DSC3: variants seen among roughly 807,000 people sequenced by gnomAD.
DSC3 encodes the protein desmocollin 3.
In DSC3, 97 loss-of-function variants were observed where a neutral mutation model predicts 89.5. The observed-to-expected ratio is 1.08, with a 90% CI of 0.92 to 1.28. DSC3 has a LOEUF of 1.28. Among genes scored for constraint, DSC3 ranks in the 50% most tolerant of loss-of-function variants. DSC3 has a pLI of 0.00. For missense variants in DSC3, 1,199 were observed against 1,085.3 expected (o/e 1.10, Z -1.47); for synonymous variants, 436 against 384.1 (o/e 1.14, Z -1.58).
rs1985762955 is a variant in DSC3, at chr18:31,030,905, C to G, written c.354+68G>C. The G allele has an allele frequency of 1.8e-5, 26 of 1,420,426 alleles. 1 individual carries two copies. The South Asian group carries it at 2.7e-4, about 15-fold the overall frequency. The allele number at this position is 1,420,426 out of a possible 1,614,324, so 88.0% of individuals were successfully genotyped here. ...AAATACCCTATTTATCCTTGTTTCT[C>G]TTTGCAATTTTTAATAAGAGTATTT... is the stretch of plus-strand genomic sequence containing the variant. On this transcript the variant is annotated intron_variant, in intron 3 of 15. Transcript: ENST00000360428.
At chr18:30,994,618 A>C in intron 15 of DSC3, 1 of 714,656 alleles carries the variant, frequency 1.4e-6, no homozygotes, top group Non-Finnish European at 2.2e-6. Flanking sequence ...ATATTTAAGT[A>C]CATTCAAGTT....
intron 14 of DSC3, among the ~76,000 whole-genome samples, chr18:31,001,089 G>GTGTGTATATATATA (rs141615987): frequency 2.4e-5 from 3 of 126,030 alleles, no homozygotes; most frequent in East Asian, 6.0e-4. Context: ...TTGTGTGTGT[G>GTGTGTATATATATA]TATATATATA....
intron 1 of DSC3, among the ~76,000 whole-genome samples, chr18:31,039,952 TA>T (rs1351826487): frequency 6.6e-6 from 1 of 152,222 alleles, no homozygotes; most frequent in Non-Finnish European, 1.5e-5. Context: ...GTCACAAATG[TA>T]AAAGCCTTTA....
intron 1 of DSC3, among the ~76,000 whole-genome samples, chr18:31,039,865 C>T (rs1387818801): frequency 6.6e-6 from 1 of 152,144 alleles, no homozygotes; most frequent in African/African-American, 2.4e-5. Flanking sequence ...TATACGTATA[C>T]TATAATTTTG....
intron 1 of DSC3, 67 bp from the exon 2 acceptor site, chr18:31,032,343 T>C (rs1985820297): frequency 2.4e-6 from 3 of 1,262,974 alleles, no homozygotes; most frequent in Non-Finnish European, 2.3e-6. Context: ...ATCATATCAA[T>C]AGATGTAAAA....
chr18:31,035,379 C>A (rs1985937345), intron 1 of DSC3, among the ~76,000 whole-genome samples: 1 of 151,758 alleles, frequency 6.6e-6, no homozygotes, highest in South Asian at 2.1e-4. Context: ...ATATAATAAG[C>A]CAAGAAATCA....
rs1454801829 is a variant in DSC3, at chr18:30,990,801, C to T, written c.*3374G>A. 6.6e-6 allele frequency: 1 copy of T among 152,150 alleles called. No individual in the cohort carries two copies. Among genetic ancestry groups the T allele is most frequent in the Admixed American group, 6.6e-5 (1 of 15,266 alleles). The allele number at this position is 152,150 out of a possible 1,614,324, so 9.4% of individuals were successfully genotyped here. A position where few individuals can be genotyped will look rare whatever the true frequency, so the allele number is the denominator to read the frequency against. ...CTGCAATTATAACCACCTTCTAATA[C>T]TTTTAATACCCAATCAAAATTTATT... On this transcript the variant is annotated 3_prime_UTR_variant, in exon 16 of 16. Transcript: ENST00000360428.
intron 1 of DSC3, among the ~76,000 whole-genome samples, chr18:31,037,656 C>T (rs1018936477): frequency 6.6e-6 from 1 of 152,108 alleles, no homozygotes; most frequent in Non-Finnish European, 1.5e-5. Context: ...AATCCCAGCA[C>T]TCTGGGAGGC....
rs1283531979 is a variant in DSC3 at position 30,990,770 on chromosome 18, A to G, written c.*3405T>C. 1 of 152,202 alleles carries G rather than the reference A, an allele frequency of 6.6e-6. No individual in the cohort carries two copies. The highest frequency in any genetic ancestry group is 2.4e-5 in the African/African-American group (1 of 41,452). 9.4% of individuals were successfully genotyped at this position (152,202 alleles called of 1,614,324 possible). ...CCCTGTGTCAGTGTACTATTCATGG[A>G]ATACTCTGCAATTATAACCACCTTC... On this transcript the variant is annotated 3_prime_UTR_variant, in exon 16 of 16. Coordinates refer to ENST00000360428, the MANE Select transcript of DSC3 (RefSeq NM_001941.5).
rs200782759 is a variant in DSC3, at chr18:30,994,299, C to G, written c.2567G>C (p.Gly856Ala). 3.7e-6 allele frequency: 6 copies of G among 1,614,076 alleles called. No homozygotes were observed. Among genetic ancestry groups the G allele is most frequent in the Non-Finnish European group, 5.1e-6 (6 of 1,180,000 alleles). ...CACAGAACCAGCTGGAGATCCTCTT[C>G]CCTCATAGTTATAAGTGAGGACATA... ...QDYVLTYNYE[G>A]RGSPAGSVGC... The change falls in exon 16 of 16, where the codon GGA becomes GCA. Residue 856 changes from glycine to alanine, a missense_variant. Gly to Ala is a moderately conservative substitution (Grantham distance 60). Coordinates refer to ENST00000360428, the MANE Select transcript of DSC3 (RefSeq NM_001941.5).
intron 1 of DSC3, among the ~76,000 whole-genome samples, chr18:31,036,355 T>G (rs1985968296): frequency 6.6e-6 from 1 of 152,210 alleles, no homozygotes; most frequent in African/African-American, 2.4e-5. Flanking sequence ...CTGTAAATCA[T>G]CTATTCTTCC....
intron 5 of DSC3, 77 bp from the exon 6 acceptor site, chr18:31,024,570 G>A: frequency 6.7e-7 from 1 of 1,482,730 alleles, no homozygotes; most frequent in Non-Finnish European, 9.1e-7. Flanking sequence ...TCTACTACCT[G>A]CCTTGCAAAT....
intron 14 of DSC3, among the ~76,000 whole-genome samples, chr18:31,001,161 A>G (rs1314355000): frequency 2.7e-5 from 4 of 149,706 alleles, no homozygotes; most frequent in Admixed American, 2.0e-4. Flanking sequence ...GTCCTAAGAA[A>G]TATATAAGGA....
At chr18:30,997,183 GT>G in intron 14 of DSC3, 135 bp from the exon 15 acceptor site, 1 of 1,152,020 alleles carries the variant, frequency 8.7e-7, no homozygotes, top group Non-Finnish European at 1.3e-6. Flanking sequence ...ACATTTATCA[GT>G]TTCTAATTAT....
In DSC3 at chr18:31,032,268, A is replaced by C. The variant is rs754370201; in HGVS notation, c.78T>G (p.Ser26Arg). 1 of 1,611,372 alleles carries C rather than the reference A, an allele frequency of 6.2e-7. No individual in the cohort carries two copies. Among genetic ancestry groups the C allele is most frequent in the Non-Finnish European group, 8.5e-7 (1 of 1,177,614 alleles). ...CCTTTTTGCAGGCTTCACCAGCACG[A>C]CTGAAGATCTAGAATTTAAAAGGTC... ...LHLLLTLVIF[S>R]RAGEACKKVI... Residue 26 changes from serine (S) to arginine (R), a missense_variant, in exon 2 of 16, where the codon AGT (serine) becomes AGG (arginine). Transcript: ENST00000360428.
intron 7 of DSC3, among the ~76,000 whole-genome samples, chr18:31,021,664 G>A (rs141660302): frequency 6.6e-6 from 1 of 152,116 alleles, no homozygotes; most frequent in Non-Finnish European, 1.5e-5. Flanking sequence ...AATAATGCAT[G>A]ATTGCTGACA....
Position 31,009,754 on chromosome 18 carries a change from G to A in DSC3, c.1264-1229C>T, listed in dbSNP as rs532370097. Among the ~76,000 whole-genome samples the A allele has an allele frequency of 3.9e-5, 6 of 152,274 alleles. 1 individual carries two copies. The highest frequency in any genetic ancestry group is 1.9e-4 in the East Asian group (1 of 5,172). ...ATTGACCTCATCCTCATTTTACAGA[G>A]CAGAAAACGGGAAAAGGAGATAAAC... On this transcript the variant is annotated intron_variant, in intron 9 of 15. Transcript: ENST00000360428.
At chr18:31,021,742 T>C (rs1266480773) in intron 7 of DSC3, among the ~76,000 whole-genome samples, 1 of 152,192 alleles carries the variant, frequency 6.6e-6, no homozygotes, top group Non-Finnish European at 1.5e-5. Context: ...TCAATCAATG[T>C]TTCTGTCACA....
Position 30,994,272 on chromosome 18 carries a change from C to A in DSC3, c.2594G>T (p.Gly865Val), listed in dbSNP as rs142097003. 3 of 1,614,044 alleles carry A rather than the reference C, an allele frequency of 1.9e-6. No individual in the cohort carries two copies. The African/African-American group carries it at 4.0e-5, about 22-fold the overall frequency. ...TTCTTCCTGCTTTTCACTGCAGCAG[C>A]CCACAGAACCAGCTGGAGATCCTCT... ...EGRGSPAGSV[G>V]CCSEKQEEDG... The change falls in exon 16 of 16, where the codon GGC (glycine) becomes GTC (valine). Residue 865 changes from glycine (G) to valine (V), a missense_variant. Transcript: ENST00000360428.
Sources: gnomAD v4.1 joint callset for allele counts (sites outside exome capture counted in the v4.1 genomes callset) on GRCh38, gnomAD v4.1.1 for gene constraint, MANE v1.5 for transcripts, NCBI Gene and HGNC (gene_info 2026-07-23, HGNC 2026-07-21) for gene names.